Variants in RASSF3 observed in about 807,000 individuals in gnomAD.
The protein encoded by RASSF3 is Ras association domain family member 3, also known as ras association domain-containing protein 3.
A neutral mutation model predicts 19.9 loss-of-function variants in RASSF3; 19 were observed. That is an observed-to-expected ratio of 0.96 (90% CI 0.67 to 1.40). RASSF3 has a LOEUF of 1.40. RASSF3 is among the 40% of genes most tolerant of loss of function. RASSF3 has a pLI of 0.00. For missense variants in RASSF3, 306 were observed against 289.8 expected (o/e 1.06, Z -0.41); for synonymous variants, 110 against 104.2 (o/e 1.06, Z -0.34).
chr12:64,621,955 TA>T (rs140972812), intron 1 of RASSF3, among the ~76,000 whole-genome samples: 55 of 152,014 alleles, frequency 3.6e-4, no homozygotes, highest in African/African-American at 1.3e-3. Context: ...CCATGTGTTT[TA>T]AAAAAAAGGG....
chr12:64,688,268 A>C lies in RASSF3; in HGVS notation c.272A>C (p.Lys91Thr). 3 of 1,614,176 alleles carry C rather than the reference A, an allele frequency of 1.9e-6. No homozygotes were observed. The highest frequency in any genetic ancestry group is 2.2e-5 in the South Asian group (2 of 91,088). Residue 91 changes from lysine to threonine, a missense_variant, in exon 3 of 5, where the codon AAA becomes ACA. Transcript: ENST00000542104. The stretch of plus-strand genomic sequence containing the variant: ...ATTAAAGTACAGATGGAACTCTGCA[A>C]ACCTCCACAGACTTCTCCAAATTCT... ...GFIKVQMELC[K>T]PPQTSPNSGK...
intron 3 of RASSF3, among the ~76,000 whole-genome samples, chr12:64,689,346 G>GT (rs1873487985): frequency 6.6e-6 from 1 of 152,046 alleles, no homozygotes; most frequent in African/African-American, 2.4e-5. Flanking sequence ...ATGTTCTTCA[G>GT]TTACACAGGA....
intron 1 of RASSF3, among the ~76,000 whole-genome samples, chr12:64,656,262 A>G (rs1872155221): frequency 1.3e-5 from 2 of 152,162 alleles, no homozygotes; most frequent in Admixed American, 1.3e-4. Context: ...AATATTTGTC[A>G]GCTAGATTAT....
intron 1 of RASSF3, among the ~76,000 whole-genome samples, chr12:64,508,919 T>C (rs1452907942): frequency 1.4e-5 from 2 of 147,924 alleles, no homozygotes; most frequent in Admixed American, 6.7e-5. Flanking sequence ...AACAAAACCA[T>C]GCAATTCATT....
upstream of RASSF3, among the ~76,000 whole-genome samples, chr12:64,609,715 G>A (rs1029886922): frequency 1.3e-5 from 2 of 152,182 alleles, no homozygotes; most frequent in African/African-American, 4.8e-5. Context: ...GGTGACCGTG[G>A]AAGGCTGATT....
intron 1 of RASSF3, among the ~76,000 whole-genome samples, chr12:64,619,770 G>A (rs1205483249): frequency 7.9e-5 from 12 of 151,816 alleles, no homozygotes; most frequent in Admixed American, 1.3e-4. Flanking sequence ...TCACGAGGTC[G>A]GGAGTTCAAG....
chr12:64,638,328 C>T (rs1228413705), intron 1 of RASSF3, among the ~76,000 whole-genome samples: 2 of 152,136 alleles, frequency 1.3e-5, no homozygotes, highest in East Asian at 3.9e-4. Context: ...TGCCTGTAAT[C>T]CCAGCACTTC....
intron 2 of RASSF3, among the ~76,000 whole-genome samples, chr12:64,605,268 G>T (rs1024596221): frequency 1.7e-4 from 26 of 152,028 alleles, no homozygotes; most frequent in African/African-American, 5.8e-4. Flanking sequence ...TTACAGGTGT[G>T]AGCCACCACA....
At chr12:64,575,643 A>AT (rs1025659486) in intron 2 of RASSF3, 2 of 152,070 alleles carry the variant, frequency 1.3e-5, no homozygotes, top group Non-Finnish European at 2.9e-5. Flanking sequence ...AAAACTAAAG[A>AT]TTTTTTTAAA....
intron 1 of RASSF3, among the ~76,000 whole-genome samples, chr12:64,627,914 A>G (rs1871047050): frequency 6.6e-6 from 1 of 152,202 alleles, no homozygotes; most frequent in South Asian, 2.1e-4. Context: ...TCTGGAGCAG[A>G]ATTACTGATT....
intron 3 of RASSF3, among the ~76,000 whole-genome samples, chr12:64,690,424 A>G (rs1465039936): frequency 6.6e-6 from 1 of 151,772 alleles, no homozygotes; most frequent in African/African-American, 2.4e-5. Flanking sequence ...ACCCCAGGCA[A>G]TCTGCCTGTC....
At chr12:64,663,840 CT>C (rs34450092) in intron 1 of RASSF3, among the ~76,000 whole-genome samples, 16,168 of 72,702 alleles carry the variant, frequency 0.22, 797 homozygotes, top group East Asian at 0.33. Flanking sequence ...TTAGCCTTGC[CT>C]TTTTTTTTTT....
chr12:64,530,021 C>T (rs1424376498), upstream of RASSF3, among the ~76,000 whole-genome samples: 2 of 152,118 alleles, frequency 1.3e-5, no homozygotes, highest in East Asian at 3.9e-4. Context: ...TTTGTAACCC[C>T]GGAAGTCATC....
intron 2 of RASSF3, among the ~76,000 whole-genome samples, chr12:64,558,948 A>G (rs551243164): frequency 1.3e-5 from 2 of 152,168 alleles, no homozygotes; most frequent in East Asian, 1.9e-4. Context: ...TTTTACCCCT[A>G]GGGACACCGT....
At chr12:64,678,589 T>C (rs1872992865) in intron 1 of RASSF3, among the ~76,000 whole-genome samples, 1 of 151,456 alleles carries the variant, frequency 6.6e-6, no homozygotes, top group Non-Finnish European at 1.5e-5. Flanking sequence ...TTTGCTCTTT[T>C]TTGTTTGTTT....
chr12:64,694,227 A>G (rs1868323315), intron 4 of RASSF3, among the ~76,000 whole-genome samples: 1 of 152,004 alleles, frequency 6.6e-6, no homozygotes, highest in Non-Finnish European at 1.5e-5. Context: ...CTGTTTGGGG[A>G]ACAGATGGGG....
chr12:64,610,091 G>C (rs1417454184), upstream of RASSF3, among the ~76,000 whole-genome samples: 5 of 152,104 alleles, frequency 3.3e-5, no homozygotes, highest in African/African-American at 1.2e-4. Context: ...CAGGACCCTG[G>C]TGCGGGGGCG....
chr12:64,628,302 A>G (rs903243222), intron 1 of RASSF3: 7 of 152,162 alleles, frequency 4.6e-5, no homozygotes, highest in African/African-American at 1.7e-4. Flanking sequence ...ATCAAGAACT[A>G]TTTAATAAGA....
chr12:64,605,882 C>T (rs979443363), upstream of RASSF3, among the ~76,000 whole-genome samples: 12 of 125,520 alleles, frequency 9.6e-5, no homozygotes, highest in African/African-American at 2.0e-4. Context: ...AGCGAAACTC[C>T]GTCTCAAAAA....
Sources: allele counts gnomAD v4.1 joint callset (sites outside exome capture counted in the v4.1 genomes callset), GRCh38; gene constraint gnomAD v4.1.1; transcripts MANE v1.5; gene names NCBI Gene and HGNC (gene_info 2026-07-23, HGNC 2026-07-21).